CD302: variants seen among roughly 807,000 people sequenced by gnomAD.
The protein encoded by CD302 is CD302 molecule, also known as CD302 antigen.
Under a neutral mutation model 26.5 loss-of-function variants are expected in CD302, and 23 were observed. That is an observed-to-expected ratio of 0.87 (90% CI 0.62 to 1.23). CD302 has a LOEUF of 1.23. CD302 is among the 50% of genes most tolerant of loss of function. The pLI, the probability that CD302 is intolerant of heterozygous loss-of-function variation, is 0.00. For synonymous variants in CD302, 90 were observed against 99.4 expected (o/e 0.91, Z 0.56); for missense variants, 290 against 275.5 (o/e 1.05, Z -0.37).
chr2:159,782,997 A>T (rs2125804436), intron 2 of CD302, among the ~76,000 whole-genome samples: 1 of 152,294 alleles, frequency 6.6e-6, no homozygotes, highest in South Asian at 2.1e-4. Flanking sequence ...TGTAAGCTTG[A>T]ACAAATAACT....
At position 159,783,426 on chromosome 2, in the gene CD302, G is replaced by GT; in HGVS notation, c.110dup (p.Tyr37Ter). ...CTTTGATGGCTTCTTGGAGAAAAAT[G>GT]TAACAACTGTCTTGGAACTGAATCC... ...STWIQFQDSC[Y>*]IFLQEAIKVE... The change falls in exon 2 of 6, where the codon TAC (tyrosine) becomes TAAC (stop). Residue 37 changes from tyrosine (Y) to a stop codon, truncating the protein, a stop_gained and frameshift_variant. Transcript: ENST00000259053. LOFTEE classifies it high-confidence loss of function. The GT allele has an allele frequency of 6.2e-7, 1 of 1,612,876 alleles. No individual in the cohort carries two copies. Among genetic ancestry groups the GT allele is most frequent in the Non-Finnish European group, 8.5e-7 (1 of 1,179,654 alleles).
At chr2:159,777,249 GAT>G in intron 5 of CD302, among the ~76,000 whole-genome samples, 1 of 152,260 alleles carries the variant, frequency 6.6e-6, no homozygotes, top group East Asian at 1.9e-4. Flanking sequence ...TTTCACAAAA[GAT>G]ATACAAATAA....
At chr2:159,775,040 A>T (rs1708268414) in intron 5 of CD302, among the ~76,000 whole-genome samples, 1 of 152,218 alleles carries the variant, frequency 6.6e-6, no homozygotes. Context: ...TGGCCACTGT[A>T]CTAAAAATAA....
chr2:159,776,012 C>T (rs867259098), intron 5 of CD302, among the ~76,000 whole-genome samples: 25 of 81,254 alleles, frequency 3.1e-4, no homozygotes, highest in South Asian at 5.3e-4. Flanking sequence ...CGGGTTTCAA[C>T]TTTTTTTTTT....
In CD302 at chr2:159,771,981, C is replaced by T; in HGVS notation, c.569G>A (p.Trp190Ter). Reference sequence around the variant, plus strand: ...ATCAGAATGTTTTTTGTACAGGAACCAAATGATTGCTCCCAAAACTGTCAA... The same window carrying T: ...ATCAGAATGTTTTTTGTACAGGAACTAAATGATTGCTCCCAAAACTGTCAA... ...VILTVLGAII[W>*]FLYKKHSDSR... Residue 190 changes from tryptophan (W) to a stop codon, truncating the protein, a stop_gained, in exon 6 of 6, where the codon TGG becomes TAG. Transcript: ENST00000259053. LOFTEE classifies it high-confidence loss of function. 6.2e-7 allele frequency: 1 copy of T among 1,613,896 alleles called. No individual in the cohort carries two copies.
intron 1 of CD302, among the ~76,000 whole-genome samples, chr2:159,790,455 T>C (rs538651827): frequency 2.0e-5 from 3 of 152,180 alleles, no homozygotes; most frequent in Admixed American, 6.5e-5. Flanking sequence ...TAAATATTCA[T>C]TGAATGAGTG....
At chr2:159,788,417 G>A (rs1708724754) in intron 1 of CD302, among the ~76,000 whole-genome samples, 1 of 152,218 alleles carries the variant, frequency 6.6e-6, no homozygotes, top group Non-Finnish European at 1.5e-5. Context: ...CAGAGCAATA[G>A]GCTCCAGCAC....
At chr2:159,775,912 T>G (rs1034449582) in intron 5 of CD302, among the ~76,000 whole-genome samples, 8 of 151,970 alleles carry the variant, frequency 5.3e-5, no homozygotes, top group Admixed American at 1.3e-4. Flanking sequence ...GTGGTGGTTT[T>G]GTTTTGTTTT....
At position 159,780,162 on chromosome 2, in the gene CD302, C is replaced by T; in HGVS notation, c.312G>A (p.Trp104Ter). ...FYDTDDASFK[W>*]FDNSNMTFDK... Reference sequence around the variant, plus strand: ...CAAATGTCATATTTGAATTATCAAACCACTTGAAACTCGCATCTGTCAATT... The same window carrying T: ...CAAATGTCATATTTGAATTATCAAATCACTTGAAACTCGCATCTGTCAATT... The change falls in exon 4 of 6, where the codon TGG becomes TGA. Residue 104 changes from tryptophan (W) to a stop codon, truncating the protein, a stop_gained. Transcript: ENST00000259053. LOFTEE classifies it high-confidence loss of function. The T allele has an allele frequency of 1.9e-6, 3 of 1,613,396 alleles. No homozygotes were observed. In the African/African-American group the frequency reaches 4.0e-5, roughly 22 times the overall value.
chr2:159,781,090 TTCTA>T (rs1708492233), intron 2 of CD302, 92 bp from the exon 3 acceptor site: 2 of 987,170 alleles, frequency 2.0e-6, no homozygotes, highest in Non-Finnish European at 2.9e-6. Context: ...TTGCTTAACT[TTCTA>T]TATATATTAG....
At position 159,770,419 on chromosome 2, in the gene CD302, T is replaced by C. The variant is rs2125785989; in HGVS notation, c.*1432A>G. On this transcript the variant is annotated 3_prime_UTR_variant, in exon 6 of 6. Transcript: ENST00000259053. ...GTCTCATTAATGATAGTGCCATTAA[T>C]TGTGATGAGTGTTTTCGATTCATGT... 1 of 152,300 alleles carries C rather than the reference T, an allele frequency of 6.6e-6. No homozygotes were observed. The highest frequency in any genetic ancestry group is 1.9e-4 in the East Asian group (1 of 5,182). 9.4% of individuals were successfully genotyped at this position (152,300 alleles called of 1,614,324 possible). A position where few individuals can be genotyped will look rare whatever the true frequency, so the allele number is the denominator to read the frequency against.
intron 5 of CD302, among the ~76,000 whole-genome samples, chr2:159,772,931 C>CA (rs1445194277): frequency 1.3e-5 from 2 of 152,104 alleles, no homozygotes; most frequent in South Asian, 2.1e-4. Context: ...GAAATGGCCC[C>CA]AAGTGAACTA....
rs1403005270 is a variant in CD302 at position 159,771,259 on chromosome 2, CA to C, written c.*591del. 6.6e-6 allele frequency: 1 copy of C among 152,554 alleles called. No homozygotes were observed. Among genetic ancestry groups the C allele is most frequent in the Non-Finnish European group, 1.5e-5 (1 of 68,438 alleles). The allele number at this position is 152,554 out of a possible 1,614,324, so 9.5% of individuals were successfully genotyped here. A position where few individuals can be genotyped will look rare whatever the true frequency, so the allele number is the denominator to read the frequency against. ...TGGACACAGCGATCATATTTTGTTT[CA>C]AATAATTTATAAACATTCATTAAAA... On this transcript the variant is annotated 3_prime_UTR_variant, in exon 6 of 6. Coordinates refer to ENST00000259053, the MANE Select transcript of CD302 (RefSeq NM_014880.5).
Position 159,777,526 on chromosome 2 carries a change from G to GA in CD302, c.496+411dup, listed in dbSNP as rs1258937580. Among the ~76,000 whole-genome samples, 8 of 152,184 alleles carry GA rather than the reference G, an allele frequency of 5.3e-5. No individual in the cohort carries two copies. The East Asian group carries it at 1.5e-3, about 29-fold the overall frequency. ...TTCTACTTTCTAGAATATACTCAAA[G>GA]AAAATGAGAACATAGGTCCAAAAGA... On this transcript the variant is annotated intron_variant, in intron 5 of 5. Transcript: ENST00000259053.
intron 5 of CD302, among the ~76,000 whole-genome samples, chr2:159,776,458 T>G (rs1374901372): frequency 7.5e-6 from 1 of 133,106 alleles, no homozygotes; most frequent in Non-Finnish European, 1.7e-5. Flanking sequence ...TTTTAATAAT[T>G]TTTTTTGAAG....
At chr2:159,777,877 T>G in intron 5 of CD302, 61 bp downstream of exon 5, 1 of 840,608 alleles carries the variant, frequency 1.2e-6, no homozygotes. Context: ...TATTTTAATA[T>G]GCCAGAATTT....
chr2:159,787,396 CTTTT>C (rs1708695289), intron 1 of CD302, among the ~76,000 whole-genome samples: 1 of 151,694 alleles, frequency 6.6e-6, no homozygotes, highest in Non-Finnish European at 1.5e-5. Context: ...TTTTATGTTC[CTTTT>C]TTCTCATTTA....
intron 4 of CD302, among the ~76,000 whole-genome samples, chr2:159,779,448 TA>T (rs1185793007): frequency 6.6e-6 from 1 of 152,106 alleles, no homozygotes; most frequent in East Asian, 1.9e-4. Flanking sequence ...AAAGAGATTA[TA>T]ATAATTCCTC....
chr2:159,782,172 G>A (rs1460437670), intron 2 of CD302, among the ~76,000 whole-genome samples: 1 of 152,012 alleles, frequency 6.6e-6, no homozygotes, highest in Non-Finnish European at 1.5e-5. Flanking sequence ...GGAGGCTGAG[G>A]CAGGAGAATC....
Sources: gnomAD v4.1 joint callset for allele counts (sites outside exome capture counted in the v4.1 genomes callset) on GRCh38, gnomAD v4.1.1 for gene constraint, MANE v1.5 for transcripts, NCBI Gene and HGNC (gene_info 2026-07-23, HGNC 2026-07-21) for gene names.